Variants in CNTN5 observed in about 807,000 individuals in gnomAD.
CNTN5 encodes the protein contactin 5.
In CNTN5, 77 loss-of-function variants were observed where a neutral mutation model predicts 129.1. The observed-to-expected ratio is 0.60, with a 90% CI of 0.50 to 0.72. CNTN5 has a LOEUF of 0.72. Among genes scored for constraint, CNTN5 ranks in the 30% least tolerant of loss-of-function variants. CNTN5 has a pLI of 0.00. For missense variants in CNTN5, 1,478 were observed against 1,328.8 expected, an observed-to-expected ratio of 1.11 and a Z score of -1.75; for synonymous variants, 509 against 465.6, an observed-to-expected ratio of 1.09 and a Z score of -1.20.
intron 2 of CNTN5, among the ~76,000 whole-genome samples, chr11:99,339,200 T>TAA (rs11437222): frequency 0.18 from 27,772 of 151,380 alleles, 2,837 homozygotes; most frequent in Middle Eastern, 0.26. Flanking sequence ...AACATTAAAA[T>TAA]AAAAAAACTT....
intron 1 of CNTN5, among the ~76,000 whole-genome samples, chr11:99,225,476 A>G (rs1176973412): frequency 6.6e-6 from 1 of 152,136 alleles, no homozygotes; most frequent in Non-Finnish European, 1.5e-5. Context: ...GATTCAGTAG[A>G]TGGGCTTTGC....
intron 8 of CNTN5, among the ~76,000 whole-genome samples, chr11:99,981,672 A>T (rs1938358083): frequency 6.6e-6 from 1 of 152,206 alleles, no homozygotes; most frequent in Non-Finnish European, 1.5e-5. Flanking sequence ...AGTTCTTATG[A>T]GGAATTGGTG....
chr11:100,038,753 G>T (rs1942190935), intron 9 of CNTN5, among the ~76,000 whole-genome samples: 1 of 151,862 alleles, frequency 6.6e-6, no homozygotes, highest in African/African-American at 2.4e-5. Flanking sequence ...GATCTTTGTT[G>T]GTTTAAAGTC....
At position 100,356,194 on chromosome 11, in the gene CNTN5, T is replaced by C. The variant is rs914400507; in HGVS notation, c.3277T>C (p.Leu1093=). 5.0e-6 allele frequency: 8 copies of C among 1,609,596 alleles called. No individual in the cohort carries two copies. The highest frequency in any genetic ancestry group is 2.2e-5 in the South Asian group (2 of 90,462). Residue 1093 remains leucine (L), a synonymous_variant, in exon 25 of 25, where the codon TTG becomes CTG. Transcript: ENST00000524871. ...SSSSVTLLLA[L]MIPSTSW The stretch of plus-strand genomic sequence containing the variant: ...GTCATCAGTCACCTTGCTCTTGGCA[T>C]TGATGATTCCTTCAACTTCCTGGTG...
intron 1 of CNTN5, among the ~76,000 whole-genome samples, chr11:99,177,571 A>G (rs771688690): frequency 6.6e-6 from 1 of 152,202 alleles, no homozygotes; most frequent in Non-Finnish European, 1.5e-5. Flanking sequence ...TCTTGGTGTT[A>G]TGCATGTCTA....
chr11:99,753,032 A>G (rs953421494), intron 3 of CNTN5, among the ~76,000 whole-genome samples: 1 of 151,368 alleles, frequency 6.6e-6, no homozygotes, highest in Non-Finnish European at 1.5e-5. Context: ...AGTCTTGTTT[A>G]TCGTAGGGAC....
chr11:100,305,086 G>A (rs990797710), intron 20 of CNTN5, among the ~76,000 whole-genome samples: 2 of 151,328 alleles, frequency 1.3e-5, no homozygotes, highest in Admixed American at 1.3e-4. Context: ...GACTTAAAAT[G>A]GACCCTAGGA....
intron 3 of CNTN5, among the ~76,000 whole-genome samples, chr11:99,684,347 AAAT>A (rs952102630): frequency 2.0e-5 from 3 of 151,900 alleles, no homozygotes; most frequent in African/African-American, 7.2e-5. Flanking sequence ...TGTAGATATA[AAAT>A]AATATGGGTT....
chr11:99,436,472 T>A (rs10501909), intron 2 of CNTN5, among the ~76,000 whole-genome samples: 26,457 of 152,112 alleles, frequency 0.17, 2,603 homozygotes, highest in Admixed American at 0.23. Context: ...TGAATCTTAC[T>A]CACTTTATAT....
intron 13 of CNTN5, among the ~76,000 whole-genome samples, chr11:100,103,965 T>C (rs1402328467): frequency 6.6e-6 from 1 of 152,192 alleles, no homozygotes; most frequent in Non-Finnish European, 1.5e-5. Flanking sequence ...TGAAACCCTT[T>C]ACAAAGTCAC....
intron 24 of CNTN5, among the ~76,000 whole-genome samples, chr11:100,355,598 C>T (rs1350525441): frequency 4.4e-5 from 6 of 137,522 alleles, no homozygotes; most frequent in South Asian, 2.2e-4. Context: ...ACCACAAATA[C>T]GTGAGTAACA....
intron 7 of CNTN5, among the ~76,000 whole-genome samples, chr11:99,951,681 T>C (rs956550635): frequency 2.6e-5 from 4 of 152,132 alleles, no homozygotes. Flanking sequence ...ATGATCTTTT[T>C]CTCTTTTGCT....
chr11:99,325,052 A>T (rs994286682), intron 1 of CNTN5, among the ~76,000 whole-genome samples: 1 of 152,136 alleles, frequency 6.6e-6, no homozygotes, highest in Non-Finnish European at 1.5e-5. Flanking sequence ...GAATGGTGGT[A>T]TAAGTTAGTG....
chr11:99,917,224 C>G (rs972815754), intron 7 of CNTN5, among the ~76,000 whole-genome samples: 1 of 151,948 alleles, frequency 6.6e-6, no homozygotes, highest in Non-Finnish European at 1.5e-5. Context: ...TTGAGTTGTA[C>G]CCCTCCAATT....
At chr11:99,189,204 A>G (rs1334290603) in intron 1 of CNTN5, among the ~76,000 whole-genome samples, 1 of 151,414 alleles carries the variant, frequency 6.6e-6, no homozygotes, top group Non-Finnish European at 1.5e-5. Context: ...AATATTCCAT[A>G]GTGTGTGTGT....
intron 1 of CNTN5, among the ~76,000 whole-genome samples, chr11:99,217,391 C>T (rs1019679311): frequency 1.1e-4 from 16 of 152,108 alleles, no homozygotes; most frequent in Admixed American, 1.0e-3. Flanking sequence ...ATCATCTCAC[C>T]TCAGTTAAGT....
intron 2 of CNTN5, among the ~76,000 whole-genome samples, chr11:99,362,299 T>C (rs1452677982): frequency 1.3e-5 from 2 of 152,078 alleles, no homozygotes; most frequent in South Asian, 2.1e-4. Flanking sequence ...AAATGTCTGT[T>C]CAAGTCCTTT....
intron 9 of CNTN5, among the ~76,000 whole-genome samples, chr11:100,049,878 T>C (rs1191282197): frequency 1.3e-5 from 2 of 152,088 alleles, no homozygotes; most frequent in Non-Finnish European, 2.9e-5. Flanking sequence ...GAAAAAATGC[T>C]CACCATCACT....
chr11:100,089,858 C>T (rs1313712332), intron 13 of CNTN5, among the ~76,000 whole-genome samples: 3 of 152,070 alleles, frequency 2.0e-5, no homozygotes, highest in East Asian at 1.9e-4. Flanking sequence ...AACAGATGAA[C>T]ACAGGGAGGG....
Sources: gnomAD v4.1 joint callset for allele counts (sites outside exome capture counted in the v4.1 genomes callset) on GRCh38, gnomAD v4.1.1 for gene constraint, MANE v1.5 for transcripts, NCBI Gene and HGNC (gene_info 2026-07-23, HGNC 2026-07-21) for gene names.